The following PDE4D variants were observed in gnomAD, a reference collection of about 807,000 sequenced individuals.
PDE4D encodes the protein phosphodiesterase 4D.
In PDE4D, 24 loss-of-function variants were observed where a neutral mutation model predicts 87.4. The observed-to-expected ratio is 0.27, with a 90% CI of 0.20 to 0.39. The LOEUF (loss-of-function observed/expected upper bound fraction) is 0.39, where lower values mean the gene tolerates loss of function less well. PDE4D is among the 10% of genes least tolerant of loss of function. The pLI is 1.00. For synonymous variants in PDE4D, 384 were observed against 383.2 expected (o/e 1.00, Z -0.02); for missense variants, 714 against 1,041.0 (o/e 0.69, Z 4.32).
At chr5:59,377,811 T>G (rs921708880) in intron 1 of PDE4D, among the ~76,000 whole-genome samples, 5 of 151,658 alleles carry the variant, frequency 3.3e-5, no homozygotes, top group African/African-American at 1.2e-4. Flanking sequence ...TATTAAAAAG[T>G]CAACTTATAC....
At chr5:60,113,875 C>A (rs938697064) in intron 2 of PDE4D, among the ~76,000 whole-genome samples, 2 of 152,062 alleles carry the variant, frequency 1.3e-5, no homozygotes, top group Non-Finnish European at 2.9e-5. Context: ...CTAAAACTGC[C>A]AGGTTTACAG....
intron 1 of PDE4D, among the ~76,000 whole-genome samples, chr5:59,302,670 T>A (rs1293946644): frequency 6.6e-6 from 1 of 152,222 alleles, no homozygotes; most frequent in Admixed American, 6.5e-5. Context: ...AGAATAATAG[T>A]CTCCAATCTC....
At chr5:60,315,069 C>CCA (rs1755432065) in intron 1 of PDE4D, among the ~76,000 whole-genome samples, 1 of 152,174 alleles carries the variant, frequency 6.6e-6, no homozygotes, top group Non-Finnish European at 1.5e-5. Context: ...ACACTGTCTT[C>CCA]CACAATGGTT....
At chr5:59,414,421 T>C (rs1292350076) in intron 1 of PDE4D, among the ~76,000 whole-genome samples, 1 of 152,062 alleles carries the variant, frequency 6.6e-6, no homozygotes, top group Non-Finnish European at 1.5e-5. Flanking sequence ...GAAGAAAGGG[T>C]AGAATTTGGG....
chr5:59,998,336 C>T (rs534807670), intron 2 of PDE4D, among the ~76,000 whole-genome samples: 21 of 152,044 alleles, frequency 1.4e-4, no homozygotes, highest in Non-Finnish European at 2.6e-4. Flanking sequence ...GTAGGAAACC[C>T]AGAAAAATCA....
intron 1 of PDE4D, among the ~76,000 whole-genome samples, chr5:59,616,076 G>A (rs1032225890): frequency 6.6e-6 from 1 of 151,266 alleles, no homozygotes; most frequent in Non-Finnish European, 1.5e-5. Context: ...CCATTAACTC[G>A]TCATTTAACA....
chr5:59,821,237 GCAACAACAACAACAACAA>G lies in PDE4D; in HGVS notation c.455+71913_455+71930del, dbSNP rs71606606. Among the ~76,000 whole-genome samples, 9 of 148,882 alleles carry G rather than the reference GCAACAACAACAACAACAA, an allele frequency of 6.0e-5. No homozygotes were observed. In the South Asian group the frequency reaches 1.1e-3, roughly 18 times the overall value. On this transcript the variant is annotated intron_variant, in intron 1 of 14. Coordinates refer to ENST00000340635, the MANE Select transcript of PDE4D (RefSeq NM_001104631.2). ...GACAGAGCAAGATTCTGTCTCAACA[GCAACAACAACAACAACAA>G]CAACAACAACAACAACAACAAAAGA...
intron 1 of PDE4D, among the ~76,000 whole-genome samples, chr5:59,809,430 C>T (rs140316064): frequency 7.2e-5 from 11 of 152,144 alleles, no homozygotes; most frequent in Non-Finnish European, 1.5e-5. Context: ...GAAGGAACTA[C>T]AAAATACAAA....
chr5:59,127,856 T>C (rs1005552283), intron 5 of PDE4D, among the ~76,000 whole-genome samples: 1 of 151,812 alleles, frequency 6.6e-6, no homozygotes, highest in Non-Finnish European at 1.5e-5. Context: ...GGACTCCCCG[T>C]TCCTAATCAG....
intron 2 of PDE4D, among the ~76,000 whole-genome samples, chr5:60,025,909 T>C (rs533756243): frequency 1.3e-5 from 2 of 152,074 alleles, no homozygotes; most frequent in Non-Finnish European, 2.9e-5. Context: ...AAATCCTAAA[T>C]ATTATGAGTT....
intron 1 of PDE4D, among the ~76,000 whole-genome samples, chr5:59,606,330 T>C (rs1828197399): frequency 6.6e-6 from 1 of 152,146 alleles, no homozygotes; most frequent in Non-Finnish European, 1.5e-5. Flanking sequence ...CAACAGCACA[T>C]TGGAAATGGC....
intron 2 of PDE4D, among the ~76,000 whole-genome samples, chr5:60,136,315 C>CTT (rs33928836): frequency 6.7e-6 from 1 of 148,734 alleles, no homozygotes; most frequent in African/African-American, 2.5e-5. Flanking sequence ...TCTGGACTAT[C>CTT]TTTTTTTTTT....
intron 3 of PDE4D, among the ~76,000 whole-genome samples, chr5:59,950,204 G>T (rs941984837): frequency 2.0e-5 from 3 of 152,042 alleles, no homozygotes; most frequent in Non-Finnish European, 4.4e-5. Context: ...TTGGAAAAAA[G>T]CCATATACCT....
intron 2 of PDE4D, among the ~76,000 whole-genome samples, chr5:60,029,144 G>C (rs370376665): frequency 1.1e-4 from 16 of 152,154 alleles, no homozygotes; most frequent in African/African-American, 3.9e-4. Context: ...TACATGCATA[G>C]ATTGCATAGC....
At chr5:59,870,135 C>T (rs975114408) in intron 1 of PDE4D, among the ~76,000 whole-genome samples, 17 of 152,208 alleles carry the variant, frequency 1.1e-4, no homozygotes, top group Admixed American at 5.9e-4. Context: ...CCCAAGACAA[C>T]ATGTTTTTCC....
intron 2 of PDE4D, among the ~76,000 whole-genome samples, chr5:60,008,297 A>G (rs1764678134): frequency 1.3e-5 from 2 of 152,122 alleles, no homozygotes; most frequent in Admixed American, 6.6e-5. Flanking sequence ...TAAATGAGTA[A>G]AGTGGTCTGA....
chr5:59,500,214 A>T (rs928091022), intron 1 of PDE4D, among the ~76,000 whole-genome samples: 12 of 152,122 alleles, frequency 7.9e-5, no homozygotes, highest in Non-Finnish European at 4.4e-5. Context: ...CTCAAGAACT[A>T]ATAATAGAAC....
intron 2 of PDE4D, among the ~76,000 whole-genome samples, chr5:60,111,762 T>A (rs1265189612): frequency 6.6e-6 from 1 of 151,942 alleles, no homozygotes; most frequent in East Asian, 1.9e-4. Context: ...AAGAAAAATA[T>A]ACCTTGTGAT....
chr5:60,094,093 T>G (rs988574204), intron 2 of PDE4D, among the ~76,000 whole-genome samples: 3 of 152,156 alleles, frequency 2.0e-5, no homozygotes, highest in Non-Finnish European at 2.9e-5. Context: ...TATCACTAAC[T>G]TTGGAGGCAG....
Sources: allele counts gnomAD v4.1 joint callset (sites outside exome capture counted in the v4.1 genomes callset), GRCh38; gene constraint gnomAD v4.1.1; transcripts MANE v1.5; gene names NCBI Gene and HGNC (gene_info 2026-07-23, HGNC 2026-07-21).